The following CAPN12 variants were observed in gnomAD, a reference collection of about 807,000 sequenced individuals.
The protein encoded by CAPN12 is calpain-12.
A neutral mutation model predicts 95.0 loss-of-function variants in CAPN12; 107 were observed. The observed-to-expected ratio is 1.13, with a 90% CI of 0.96 to 1.32. CAPN12 has a LOEUF of 1.32. Among genes scored for constraint, CAPN12 ranks in the 40% most tolerant of loss-of-function variants. The pLI is 0.00. For synonymous variants in CAPN12, 505 were observed against 415.5 expected, an observed-to-expected ratio of 1.22 and a Z score of -2.62; for missense variants, 1,136 against 997.8, an observed-to-expected ratio of 1.14 and a Z score of -1.87.
intron 18 of CAPN12, among the ~76,000 whole-genome samples, chr19:38,732,949 G>C (rs1164299164): frequency 6.6e-6 from 1 of 152,102 alleles, no homozygotes; most frequent in African/African-American, 2.4e-5. Flanking sequence ...TGTTGTGCTG[G>C]GCTTGTTCCA....
Position 38,736,324 on chromosome 19 carries a change from G to GACGGGGCGGCATGACC in CAPN12, c.1375-22_1375-7dup, listed in dbSNP as rs1970144849. 1 of 1,449,166 alleles carries GACGGGGCGGCATGACC rather than the reference G, an allele frequency of 6.9e-7. No individual in the cohort carries two copies. The allele number at this position is 1,449,166 out of a possible 1,614,324, so 89.8% of individuals were successfully genotyped here. On this transcript the variant is annotated splice_region_variant and splice_polypyrimidine_tract_variant and intron_variant, in intron 11 of 20. Coordinates refer to ENST00000328867, the MANE Select transcript of CAPN12 (RefSeq NM_144691.4). Reference sequence around the variant, plus strand: ...GAATCCCAGAGGCCCAGCAGCTGGGGACGGGGCGGCATGACCACGGACCAG... The same window carrying GACGGGGCGGCATGACC: ...GAATCCCAGAGGCCCAGCAGCTGGGGACGGGGCGGCATGACCACGGGGCGGCATGACCACGGACCAG...
chr19:38,731,583 A>T, intron 18 of CAPN12: 1 of 308,816 alleles, frequency 3.2e-6, no homozygotes, highest in Non-Finnish European at 6.3e-6. Flanking sequence ...AGTCAATCCC[A>T]TATGGAGTCA....
At position 38,730,837 on chromosome 19, in the gene CAPN12, G is replaced by A. The variant is rs748167427; in HGVS notation, c.*15C>T. The A allele has an allele frequency of 6.8e-5, 105 of 1,550,714 alleles. No individual in the cohort carries two copies. Among genetic ancestry groups the A allele is most frequent in the Middle Eastern group, 1.7e-4 (1 of 6,014 alleles). On this transcript the variant is annotated 3_prime_UTR_variant, in exon 21 of 21. Transcript: ENST00000328867. Reference sequence around the variant, plus strand: ...CAACCCTGCCCTGAGCAGCAGGTGCGCCCATCCGGAGATCCTAGGAGAAGG... The same window carrying A: ...CAACCCTGCCCTGAGCAGCAGGTGCACCCATCCGGAGATCCTAGGAGAAGG...
chr19:38,730,217 T>A lies in CAPN12; in HGVS notation c.*635A>T, dbSNP rs1969468701. On this transcript the variant is annotated 3_prime_UTR_variant, in exon 21 of 21. Transcript: ENST00000328867. ...GAGAATTACTATTTACTTTATTAAC[T>A]TACGGATTTATTATATAAATATATA... The A allele has an allele frequency of 1.3e-5, 2 of 157,094 alleles. No homozygotes were observed. Among genetic ancestry groups the A allele is most frequent in the South Asian group, 3.6e-4 (2 of 5,604 alleles). 9.7% of individuals were successfully genotyped at this position (157,094 alleles called of 1,614,324 possible). A position where few individuals can be genotyped will look rare whatever the true frequency, so the allele number is the denominator to read the frequency against.
In CAPN12 at chr19:38,734,839, G is replaced by T. The variant is rs1969901287; in HGVS notation, c.1718C>A (p.Ala573Asp). 1 of 1,612,572 alleles carries T rather than the reference G, an allele frequency of 6.2e-7. No individual in the cohort carries two copies. The highest frequency in any genetic ancestry group is 1.1e-5 in the South Asian group (1 of 91,060). Residue 573 changes from alanine to aspartate, a missense_variant, in exon 15 of 21, where the codon GCC becomes GAC. Transcript: ENST00000328867. ...EEELNASQLQ[A>D]LLSIALEPAR... ...AGGCTCCAGGGCAATGCTTAGTAAGGCCTGGAGCTGAGAGGCATTGAGTTC... is the reference window on the plus strand; with the variant it reads ...AGGCTCCAGGGCAATGCTTAGTAAGTCCTGGAGCTGAGAGGCATTGAGTTC...
At chr19:38,733,491 C>T (rs1969785525) in intron 18 of CAPN12, 4 of 542,796 alleles carry the variant, frequency 7.4e-6, no homozygotes, top group South Asian at 2.4e-5. Context: ...TTCATGTCCT[C>T]CCCACCCCAC....
Position 38,738,565 on chromosome 19 carries a change from GA to G in CAPN12, c.804+8del. ...ATGGCCTGCCACCCCACCCATGGGG[GA>G]CACTTACCTTGTGTGTGCCCGTGAT... On this transcript the variant is annotated splice_region_variant and intron_variant, in intron 6 of 20. Coordinates refer to ENST00000328867, the MANE Select transcript of CAPN12 (RefSeq NM_144691.4). 3.1e-6 allele frequency: 5 copies of G among 1,613,912 alleles called. No individual in the cohort carries two copies. Among genetic ancestry groups the G allele is most frequent in the Non-Finnish European group, 4.2e-6 (5 of 1,179,942 alleles).
In CAPN12 at chr19:38,742,850, C is replaced by CA. The variant is rs11406594; in HGVS notation, c.307+182dup. ...TGGGTGACAGAGTGAGACCCCATCTCAAAAAAAAAAAAAAAAAAAAAAGGA... is the reference window on the plus strand; with the variant it reads ...TGGGTGACAGAGTGAGACCCCATCTCAAAAAAAAAAAAAAAAAAAAAAAGGA... On this transcript the variant is annotated intron_variant, in intron 2 of 20. Coordinates refer to ENST00000328867, the MANE Select transcript of CAPN12 (RefSeq NM_144691.4). Among the ~76,000 whole-genome samples the CA allele has an allele frequency of 0.47, 24,737 of 53,006 alleles. 6,473 individuals are homozygous for CA. Among genetic ancestry groups the CA allele is most frequent in the Non-Finnish European group, 0.55 (18,183 of 32,844 alleles). The allele number at this position is 53,006 out of a possible 152,430, so 34.8% of individuals were successfully genotyped here.
Position 38,736,251 on chromosome 19 carries a change from G to A in CAPN12, c.1442C>T (p.Ser481Leu), listed in dbSNP as rs963562348. 4 of 1,475,526 alleles carry A rather than the reference G, an allele frequency of 2.7e-6. No homozygotes were observed. In the African/African-American group the frequency reaches 5.9e-5, roughly 22 times the overall value. 91.4% of individuals were successfully genotyped at this position (1,475,526 alleles called of 1,614,324 possible). Residue 481 changes from serine to leucine, a missense_variant, in exon 12 of 21, where the codon TCG (serine) becomes TTG (leucine). Physicochemically the swap from Ser to Leu is moderately radical, Grantham distance 145 (BLOSUM62 -2). Coordinates refer to ENST00000328867, the MANE Select transcript of CAPN12 (RefSeq NM_144691.4). ...LLPRLLRADRSPLSARRDVTR... is the reference protein window; with the variant it reads ...LLPRLLRADRLPLSARRDVTR... ...CACGTCGCGGCGGGCGCTGAGGGGC[G>A]AGCGGTCGGCGCGCAGCAGCCGGGG...
intron 1 of CAPN12, 103 bp from the exon 2 acceptor site, chr19:38,743,205 TG>T: frequency 7.3e-7 from 1 of 1,370,710 alleles, no homozygotes; most frequent in Non-Finnish European, 1.0e-6. Context: ...TGGAAGCCTG[TG>T]GGCAGGAGCA....
chr19:38,731,129 C>T lies in CAPN12; in HGVS notation c.2052G>A (p.Val684=). 1 of 1,612,596 alleles carries T rather than the reference C, an allele frequency of 6.2e-7. No homozygotes were observed. The highest frequency in any genetic ancestry group is 1.1e-5 in the South Asian group (1 of 90,960). ...CACAGAAGATGCAGGTGAGGTGGGC[C>T]ACACAGGACACGAACCGCTCGAAGT... The part of the protein sequence containing the change: ...RVDFERFVSC[V]AHLTCIFCHC... Residue 684 remains valine (V), a synonymous_variant, in exon 19 of 21, where the codon GTG becomes GTA. Coordinates refer to ENST00000328867, the MANE Select transcript of CAPN12 (RefSeq NM_144691.4).
At chr19:38,731,068 C>T (rs1444648007) in intron 19 of CAPN12, 39 bp downstream of exon 19, 2 of 1,572,784 alleles carry the variant, frequency 1.3e-6, no homozygotes, top group Admixed American at 1.8e-5. Context: ...TCCCCGTACC[C>T]CTTCCCCCCA....
chr19:38,744,236 C>T lies in CAPN12; in HGVS notation c.-71G>A, dbSNP rs531515890. 7.1e-7 allele frequency: 1 copy of T among 1,402,076 alleles called. No homozygotes were observed. Among genetic ancestry groups the T allele is most frequent in the Admixed American group, 1.7e-5 (1 of 59,312 alleles). The allele number at this position is 1,402,076 out of a possible 1,614,324, so 86.9% of individuals were successfully genotyped here. ...GAGTCACGGGGGCGGGGCCTCTCTT[C>T]CATTGGAGCCCCAGTGGGGTCTTTA... On this transcript the variant is annotated 5_prime_UTR_variant, in exon 1 of 21. Coordinates refer to ENST00000328867, the MANE Select transcript of CAPN12 (RefSeq NM_144691.4).
chr19:38,734,425 T>G, intron 15 of CAPN12, 36 bp from the exon 16 acceptor site: 1 of 1,537,934 alleles, frequency 6.5e-7, no homozygotes, highest in Middle Eastern at 1.8e-4. Context: ...CAGCACTTCC[T>G]GCATTCTGGC....
Position 38,733,759 on chromosome 19 carries a change from T to C in CAPN12, c.1901A>G (p.Glu634Gly), listed in dbSNP as rs1403437349. Residue 634 changes from glutamate to glycine, a missense_variant, in exon 18 of 21, where the codon GAG (glutamate) becomes GGG (glycine). Glu to Gly is a moderately conservative substitution (Grantham distance 98, BLOSUM62 -2). Coordinates refer to ENST00000328867, the MANE Select transcript of CAPN12 (RefSeq NM_144691.4). ...GGAGTTCATGGTTCCAGAGGTGTCCTCATCGAACTTGTTAAATATGGCCTG... is the reference window on the plus strand; with the variant it reads ...GGAGTTCATGGTTCCAGAGGTGTCCCCATCGAACTTGTTAAATATGGCCTG... The part of the protein sequence containing the change: ...EWQAIFNKFD[E>G]DTSGTMNSYE... 5.0e-6 allele frequency: 8 copies of C among 1,613,442 alleles called. No homozygotes were observed. Among genetic ancestry groups the C allele is most frequent in the Non-Finnish European group, 5.9e-6 (7 of 1,179,928 alleles).
rs751748368 is a variant in CAPN12, at chr19:38,730,564, G to C, written c.*288C>G. Reference sequence around the variant, plus strand: ...AGCATCATCTTTTTTTATTTCTCCTGTGTCTGTCCTCCACCTTCTAGGAGA... The same window carrying C: ...AGCATCATCTTTTTTTATTTCTCCTCTGTCTGTCCTCCACCTTCTAGGAGA... On this transcript the variant is annotated 3_prime_UTR_variant, in exon 21 of 21. Coordinates refer to ENST00000328867, the MANE Select transcript of CAPN12 (RefSeq NM_144691.4). The C allele has an allele frequency of 3.9e-6, 2 of 517,146 alleles. No individual in the cohort carries two copies. The highest frequency in any genetic ancestry group is 6.9e-6 in the Non-Finnish European group (2 of 289,336). 32.0% of individuals were successfully genotyped at this position (517,146 alleles called of 1,614,324 possible).
At chr19:38,732,563 G>T (rs959702403) in intron 18 of CAPN12, among the ~76,000 whole-genome samples, 1 of 152,108 alleles carries the variant, frequency 6.6e-6, no homozygotes, top group Non-Finnish European at 1.5e-5. Flanking sequence ...GAACTCCTAG[G>T]CTCAAGCAAT....
chr19:38,738,221 C>A (rs1197687911), intron 8 of CAPN12, 52 bp downstream of exon 8: 3 of 1,524,394 alleles, frequency 2.0e-6, no homozygotes, highest in African/African-American at 1.6e-5. Context: ...CCTCCCTGAA[C>A]CCCTTGGCAG....
intron 15 of CAPN12, 190 bp from the exon 16 acceptor site, chr19:38,734,579 C>G (rs1218128130): frequency 3.0e-6 from 2 of 662,332 alleles, no homozygotes; most frequent in Admixed American, 6.1e-5. Flanking sequence ...GGTGCCCAGT[C>G]TGTGCTCAAG....
Sources: allele counts gnomAD v4.1 joint callset (sites outside exome capture counted in the v4.1 genomes callset), GRCh38; gene constraint gnomAD v4.1.1; transcripts MANE v1.5; gene names NCBI Gene and HGNC (gene_info 2026-07-23, HGNC 2026-07-21).